LTBP1: variants seen among roughly 807,000 people sequenced by gnomAD.
The protein encoded by LTBP1 is latent transforming growth factor beta binding protein 1.
LTBP1 carries 129 observed loss-of-function variants against 207.6 expected under a neutral mutation model. The ratio of observed to expected loss-of-function variants is 0.62; its 90% CI spans 0.54 to 0.72. LTBP1 has a LOEUF of 0.72. Ranked by LOEUF, LTBP1 falls within the 30% of genes least tolerant of loss-of-function variation. The pLI is 0.00. For missense variants in LTBP1, 2,281 were observed against 2,217.2 expected, an observed-to-expected ratio of 1.03 and a Z score of -0.58; for synonymous variants, 963 against 833.7, an observed-to-expected ratio of 1.16 and a Z score of -2.67.
intron 26 of LTBP1, among the ~76,000 whole-genome samples, chr2:33,356,065 C>T (rs967489260): frequency 2.6e-5 from 4 of 151,894 alleles, no homozygotes; most frequent in African/African-American, 4.8e-5. Flanking sequence ...AACCAATCAC[C>T]GAGACCACAA....
chr2:33,360,471 G>T, intron 26 of LTBP1, 126 bp from the exon 27 acceptor site: 1 of 572,498 alleles, frequency 1.7e-6, no homozygotes. Context: ...ACTGAAAGTG[G>T]AAAGCATTTT....
Position 33,309,558 on chromosome 2 carries a change from T to G in LTBP1, c.3604+2T>G. ...TAGATGACAATAAAACATGTCAAGG[T>G]ATTTCTTGCTCTTTTTTCCCCAGTC... On this transcript the variant is annotated splice_donor_variant, in intron 23 of 33. Transcript: ENST00000404816. LOFTEE classifies it high-confidence loss of function. 8 of 1,603,242 alleles carry G rather than the reference T, an allele frequency of 5.0e-6. No homozygotes were observed. Among genetic ancestry groups the G allele is most frequent in the Non-Finnish European group, 6.8e-6 (8 of 1,176,818 alleles).
chr2:33,112,192 G>A (rs926577963), intron 4 of LTBP1, among the ~76,000 whole-genome samples: 2 of 152,100 alleles, frequency 1.3e-5, no homozygotes, highest in Admixed American at 6.5e-5. Flanking sequence ...GGAAAAGATG[G>A]TTAGAGAACA....
intron 32 of LTBP1, among the ~76,000 whole-genome samples, chr2:33,391,224 C>T (rs191513714): frequency 3.1e-4 from 47 of 152,086 alleles, no homozygotes; most frequent in Middle Eastern, 6.8e-3. Context: ...GTGCCAGCCT[C>T]CAGAAGGCCC....
chr2:33,234,289 A>T (rs1481801474), intron 9 of LTBP1, among the ~76,000 whole-genome samples: 1 of 152,040 alleles, frequency 6.6e-6, no homozygotes, highest in Non-Finnish European at 1.5e-5. Flanking sequence ...ATCATAAGTG[A>T]GTTGCTATGT....
chr2:33,222,234 C>A lies in LTBP1; in HGVS notation c.1876+83C>A. On this transcript the variant is annotated intron_variant, in intron 9 of 33. Coordinates refer to ENST00000404816, the MANE Select transcript of LTBP1 (RefSeq NM_206943.4). ...CTTCAGTTGTTTGCCACGGCTTGCTCATTCGCCCAGCCTGTCACAGTGAAC... is the reference window on the plus strand; with the variant it reads ...CTTCAGTTGTTTGCCACGGCTTGCTAATTCGCCCAGCCTGTCACAGTGAAC... The A allele has an allele frequency of 3.1e-6, 3 of 953,668 alleles. No homozygotes were observed. The South Asian group carries it at 4.0e-5, about 13-fold the overall frequency. 59.1% of individuals were successfully genotyped at this position (953,668 alleles called of 1,614,324 possible). A position where few individuals can be genotyped will look rare whatever the true frequency, so the allele number is the denominator to read the frequency against.
intron 15 of LTBP1, among the ~76,000 whole-genome samples, chr2:33,271,349 G>A (rs767473132): frequency 6.6e-6 from 1 of 151,420 alleles, no homozygotes; most frequent in Non-Finnish European, 1.5e-5. Context: ...TTATGAAAAT[G>A]TCAGAGATGA....
chr2:33,092,001 G>A (rs970574080), intron 3 of LTBP1, among the ~76,000 whole-genome samples: 12 of 152,212 alleles, frequency 7.9e-5, no homozygotes, highest in African/African-American at 2.9e-4. Context: ...CTGTGTGACT[G>A]TGGAGAGTAG....
At chr2:33,035,540 C>T (rs1305850856) in intron 3 of LTBP1, among the ~76,000 whole-genome samples, 1 of 152,178 alleles carries the variant, frequency 6.6e-6, no homozygotes, top group Non-Finnish European at 1.5e-5. Flanking sequence ...TGTATTTCTT[C>T]ATACTTTCTA....
chr2:32,964,245 T>C (rs895117753), intron 2 of LTBP1, among the ~76,000 whole-genome samples: 2 of 152,186 alleles, frequency 1.3e-5, no homozygotes, highest in African/African-American at 4.8e-5. Context: ...TTATTAGATG[T>C]GTATTTAGGA....
At chr2:33,057,487 A>G (rs2077060027) in intron 3 of LTBP1, among the ~76,000 whole-genome samples, 1 of 152,206 alleles carries the variant, frequency 6.6e-6, no homozygotes, top group Admixed American at 6.5e-5. Context: ...GGCAGCTCTC[A>G]TCGGGGAGGC....
At chr2:32,959,621 A>ATATATTTTTTTTTTTTTT (rs1475834284) in intron 2 of LTBP1, among the ~76,000 whole-genome samples, 4 of 36,670 alleles carry the variant, frequency 1.1e-4, no homozygotes. Flanking sequence ...ATATATATAT[A>ATATATTTTTTTTTTTTTT]TTTTTTTTTT....
At chr2:33,088,657 C>T (rs180705245) in intron 3 of LTBP1, among the ~76,000 whole-genome samples, 59 of 152,166 alleles carry the variant, frequency 3.9e-4, no homozygotes, top group African/African-American at 1.3e-3. Context: ...GAACAGTGTA[C>T]AGTAGGGACT....
At chr2:33,124,228 G>C (rs947330828) in intron 4 of LTBP1, among the ~76,000 whole-genome samples, 6 of 152,082 alleles carry the variant, frequency 3.9e-5, no homozygotes, top group African/African-American at 1.4e-4. Context: ...GGCTGACATG[G>C]TGAAACCCCC....
chr2:33,099,919 G>T (rs2079621264), intron 3 of LTBP1, among the ~76,000 whole-genome samples: 1 of 152,164 alleles, frequency 6.6e-6, no homozygotes, highest in South Asian at 2.1e-4. Context: ...GGTCACAAGG[G>T]GGAATAGATA....
chr2:33,397,503 A>ATTTTT (rs1459402012), intron 33 of LTBP1, among the ~76,000 whole-genome samples: 42 of 77,876 alleles, frequency 5.4e-4, no homozygotes, highest in African/African-American at 1.9e-3. Flanking sequence ...TTTTACCACA[A>ATTTTT]TTCTTTTTTT....
chr2:33,102,686 T>G (rs1268543424), intron 3 of LTBP1, among the ~76,000 whole-genome samples: 1 of 152,226 alleles, frequency 6.6e-6, no homozygotes, highest in Non-Finnish European at 1.5e-5. Context: ...TTTTGCTGTG[T>G]TTTTCTGGCA....
In LTBP1 at chr2:33,031,923, G is replaced by A. The variant is rs115200427; in HGVS notation, c.863+10717G>A. On this transcript the variant is annotated intron_variant, in intron 3 of 33. Coordinates refer to ENST00000404816, the MANE Select transcript of LTBP1 (RefSeq NM_206943.4). ...GGGGTGCTAAGAGAGTGTGAGGGAA[G>A]GCCTGGGAGGCTGGCTGCTGGGCAG... 5.0e-3 allele frequency among the ~76,000 whole-genome samples: 760 copies of A among 152,234 alleles called. 2 individuals are homozygous for A. Among genetic ancestry groups the A allele is most frequent in the Non-Finnish European group, 7.5e-3 (509 of 67,996 alleles).
intron 7 of LTBP1, among the ~76,000 whole-genome samples, chr2:33,206,562 A>G (rs1323803824): frequency 6.6e-6 from 1 of 151,950 alleles, no homozygotes; most frequent in Non-Finnish European, 1.5e-5. Context: ...GACACGGTGA[A>G]GCCCCATCTC....
Sources: gnomAD v4.1 joint callset for allele counts (sites outside exome capture counted in the v4.1 genomes callset) on GRCh38, gnomAD v4.1.1 for gene constraint, MANE v1.5 for transcripts, NCBI Gene and HGNC (gene_info 2026-07-23, HGNC 2026-07-21) for gene names.